Variants in RAB27B observed in about 807,000 individuals in gnomAD.
RAB27B encodes the protein ras-related protein Rab-27B.
RAB27B carries 15 observed loss-of-function variants against 24.6 expected under a neutral mutation model. That is an observed-to-expected ratio of 0.61 (90% CI 0.41 to 0.94). RAB27B has a LOEUF of 0.94. Ranked by LOEUF, RAB27B falls within the 40% of genes least tolerant of loss-of-function variation. RAB27B has a pLI of 0.00. For synonymous variants in RAB27B, 105 were observed against 92.5 expected (o/e 1.14, Z -0.78); for missense variants, 261 against 266.8 (o/e 0.98, Z 0.15).
Position 54,796,122 on chromosome 18 carries a change from AG to A in RAB27B, c.-20+77985del, listed in dbSNP as rs1909409784. On this transcript the variant is annotated intron_variant, in intron 2 of 4. Coordinates refer to the RAB27B transcript ENST00000586570. ...TCATCCCCCTTGCAAGATGTGTGAC[AG>A]GGGTGGCTCGCTCCTTTGGCTGCCC... Among the ~76,000 whole-genome samples the A allele has an allele frequency of 1.3e-5, 2 of 152,158 alleles. 1 individual carries two copies.
At chr18:54,779,490 C>T (rs1037472579) in intron 2 of RAB27B, among the ~76,000 whole-genome samples, 12 of 152,240 alleles carry the variant, frequency 7.9e-5, no homozygotes, top group South Asian at 6.2e-4. Context: ...TGGGACACAA[C>T]ACAGACAGAA....
At chr18:54,810,430 T>C (rs916196443) in intron 2 of RAB27B, among the ~76,000 whole-genome samples, 20 of 152,028 alleles carry the variant, frequency 1.3e-4, no homozygotes, top group Admixed American at 6.5e-5. Flanking sequence ...TAAACAAAAG[T>C]TTAGAGAGAT....
chr18:54,806,870 A>G (rs1568073713), intron 2 of RAB27B, among the ~76,000 whole-genome samples: 2 of 152,166 alleles, frequency 1.3e-5, no homozygotes, highest in Admixed American at 1.3e-4. Flanking sequence ...AGGTTTGAGT[A>G]AATACAGTTG....
intron 2 of RAB27B, among the ~76,000 whole-genome samples, chr18:54,779,541 C>T (rs1278582544): frequency 6.6e-6 from 1 of 151,616 alleles, no homozygotes; most frequent in Non-Finnish European, 1.5e-5. Flanking sequence ...CATGACCAAA[C>T]TCAAGTGCAG....
At chr18:54,864,369 A>G (rs1273868279) in intron 1 of RAB27B, among the ~76,000 whole-genome samples, 4 of 152,196 alleles carry the variant, frequency 2.6e-5, no homozygotes, top group East Asian at 1.9e-4. Context: ...TTATCAAGCT[A>G]TAAGAGTTCT....
chr18:54,782,605 A>T (rs541871389), intron 2 of RAB27B, among the ~76,000 whole-genome samples: 2 of 152,352 alleles, frequency 1.3e-5, no homozygotes, highest in East Asian at 3.9e-4. Context: ...AATATAATGG[A>T]AATTCCAAGA....
intron 2 of RAB27B, among the ~76,000 whole-genome samples, chr18:54,817,188 A>G (rs1910148659): frequency 6.6e-6 from 1 of 152,220 alleles, no homozygotes; most frequent in Non-Finnish European, 1.5e-5. Context: ...CTCAACAAAC[A>G]TTCATTCTTT....
intron 2 of RAB27B, among the ~76,000 whole-genome samples, chr18:54,801,008 GTTTT>G (rs11363761): frequency 1.2e-4 from 11 of 93,094 alleles, no homozygotes; most frequent in African/African-American, 3.4e-4. Context: ...TTGTTCCTGT[GTTTT>G]TTTTTTTTTT....
upstream of RAB27B, among the ~76,000 whole-genome samples, chr18:54,824,015 C>T (rs1453486814): frequency 6.6e-6 from 1 of 152,118 alleles, no homozygotes; most frequent in East Asian, 1.9e-4. Flanking sequence ...TTTGCCTATC[C>T]TGCTATTTCT....
chr18:54,873,648 A>T (rs1598983011), intron 1 of RAB27B, among the ~76,000 whole-genome samples: 1 of 151,656 alleles, frequency 6.6e-6, no homozygotes, highest in Non-Finnish European at 1.5e-5. Flanking sequence ...GACTCAAAAA[A>T]ATCACATAAT....
In RAB27B at chr18:54,892,607, T is replaced by A. The variant is rs1313110560; in HGVS notation, c.*3194T>A. ...CATAATGTTTGTCTTGGTCTGATAA[T>A]GATAAGAAGTCAAGGATTGGCAGAG... is the stretch of plus-strand genomic sequence containing the variant. On this transcript the variant is annotated 3_prime_UTR_variant, in exon 6 of 6. Coordinates refer to ENST00000262094, the MANE Select transcript of RAB27B (RefSeq NM_004163.4). The A allele has an allele frequency of 6.6e-6, 1 of 152,048 alleles. No homozygotes were observed. Among genetic ancestry groups the A allele is most frequent in the African/African-American group, 2.4e-5 (1 of 41,436 alleles). 9.4% of individuals were successfully genotyped at this position (152,048 alleles called of 1,614,324 possible).
intron 1 of RAB27B, among the ~76,000 whole-genome samples, chr18:54,859,206 T>A (rs1279039342): frequency 2.0e-5 from 3 of 152,200 alleles, no homozygotes; most frequent in African/African-American, 7.2e-5. Context: ...TCATAACAAC[T>A]GTCTTATAAC....
At chr18:54,811,036 C>T (rs957522886) in intron 2 of RAB27B, among the ~76,000 whole-genome samples, 5 of 151,888 alleles carry the variant, frequency 3.3e-5, no homozygotes, top group African/African-American at 7.3e-5. Flanking sequence ...GAAACGAATA[C>T]ATTTCCTATG....
Position 54,787,217 on chromosome 18 carries a change from C to T in RAB27B, c.-20+69076C>T, listed in dbSNP as rs555230761. Among the ~76,000 whole-genome samples the T allele has an allele frequency of 3.3e-5, 5 of 152,300 alleles. No individual in the cohort carries two copies. In the South Asian group the frequency reaches 6.2e-4, roughly 19 times the overall value. On this transcript the variant is annotated intron_variant, in intron 2 of 4. Coordinates refer to the RAB27B transcript ENST00000586570. Reference sequence around the variant, plus strand: ...CTTGTAGAGGTACCAGCTGCCAGCTCGTCCAGGTTTATTTCCTTCTCATGC... The same window carrying T: ...CTTGTAGAGGTACCAGCTGCCAGCTTGTCCAGGTTTATTTCCTTCTCATGC...
At chr18:54,762,610 T>C (rs1019716600) in intron 2 of RAB27B, among the ~76,000 whole-genome samples, 2 of 152,146 alleles carry the variant, frequency 1.3e-5, no homozygotes, top group Middle Eastern at 3.2e-3. Flanking sequence ...CTTGGGAGTA[T>C]CTTTCCTTCA....
chr18:54,876,620 C>T lies in RAB27B; in HGVS notation c.-19-947C>T, dbSNP rs114200043. ...GATTTCACCAAGTAGGTAATTGTGT[C>T]ATTCAAATACATGTCCTGGTATTCT... is the stretch of plus-strand genomic sequence containing the variant. On this transcript the variant is annotated intron_variant, in intron 1 of 5. Transcript: ENST00000262094. Among the ~76,000 whole-genome samples the T allele has an allele frequency of 3.7e-3, 566 of 151,970 alleles. 2 individuals carry two copies. Among genetic ancestry groups the T allele is most frequent in the African/African-American group, 0.013 (538 of 41,456 alleles).
chr18:54,794,255 A>G (rs1909344272), intron 2 of RAB27B, among the ~76,000 whole-genome samples: 1 of 152,236 alleles, frequency 6.6e-6, no homozygotes, highest in African/African-American at 2.4e-5. Flanking sequence ...ACTAGATAAT[A>G]GTCTTCATTG....
At chr18:54,736,443 C>T (rs188976928) in intron 2 of RAB27B, among the ~76,000 whole-genome samples, 1 of 151,482 alleles carries the variant, frequency 6.6e-6, no homozygotes, top group Non-Finnish European at 1.5e-5. Context: ...CCTTGAATTT[C>T]ATTATTGTTG....
intron 2 of RAB27B, among the ~76,000 whole-genome samples, chr18:54,725,783 C>G (rs1433750781): frequency 2.0e-5 from 3 of 151,510 alleles, no homozygotes; most frequent in Non-Finnish European, 4.4e-5. Flanking sequence ...CACCTGGTCT[C>G]TGTCACGACA....
Sources: allele counts gnomAD v4.1 joint callset (sites outside exome capture counted in the v4.1 genomes callset), GRCh38; gene constraint gnomAD v4.1.1; transcripts MANE v1.5; gene names NCBI Gene and HGNC (gene_info 2026-07-23, HGNC 2026-07-21).